Variants in MED12L observed in about 807,000 individuals in gnomAD.
MED12L encodes the protein mediator of RNA polymerase II transcription subunit 12-like protein.
In MED12L, 60 loss-of-function variants were observed where a neutral mutation model predicts 281.3. The observed-to-expected ratio is 0.21, with a 90% confidence interval of 0.17 to 0.26. The LOEUF is 0.26. Ranked by LOEUF, MED12L falls within the 10% of genes least tolerant of loss-of-function variation. MED12L has a pLI of 1.00. For missense variants in MED12L, 2,146 were observed against 2,680.9 expected (o/e 0.80, Z 4.41); for synonymous variants, 974 against 987.2 (o/e 0.99, Z 0.25).
intron 16 of MED12L, among the ~76,000 whole-genome samples, chr3:151,349,839 A>G (rs1752998245): frequency 6.7e-6 from 1 of 149,728 alleles, no homozygotes; most frequent in Non-Finnish European, 1.5e-5. Flanking sequence ...TTAAGACTTC[A>G]GGTCAGTTGA....
intron 16 of MED12L, among the ~76,000 whole-genome samples, chr3:151,297,462 G>A (rs1288901061): frequency 6.6e-5 from 10 of 152,148 alleles, no homozygotes; most frequent in Admixed American, 3.9e-4. Context: ...CGGAATAAAG[G>A]GTCCAGCTGA....
chr3:151,412,350 T>G (rs960743502), intron 41 of MED12L, among the ~76,000 whole-genome samples: 1 of 152,240 alleles, frequency 6.6e-6, no homozygotes, highest in Non-Finnish European at 1.5e-5. Flanking sequence ...CCCAAAATTA[T>G]GCAGTTCGTT....
intron 27 of MED12L, 92 bp downstream of exon 27, chr3:151,372,858 G>T (rs552631293): frequency 2.2e-6 from 2 of 906,446 alleles, no homozygotes; most frequent in South Asian, 3.8e-5. Context: ...TGCATAGGTG[G>T]GCCTTTTTTT....
chr3:151,213,490 A>G lies in MED12L; in HGVS notation c.2250+19824A>G, dbSNP rs1333774857. On this transcript the variant is annotated intron_variant, in intron 16 of 44. Transcript: ENST00000687756. ...AGATAGTAGCAGAGTGAATTCTTTC[A>G]TATACCGCAAGATTTCTTTTGACTG... 2.5e-6 allele frequency: 4 copies of G among 1,614,070 alleles called. No homozygotes were observed. The South Asian group carries it at 3.3e-5, about 13-fold the overall frequency.
At chr3:151,344,078 A>G (rs542955712) in intron 16 of MED12L, among the ~76,000 whole-genome samples, 4 of 152,254 alleles carry the variant, frequency 2.6e-5, no homozygotes, top group South Asian at 4.1e-4. Context: ...AGTCTTGGGC[A>G]TTGAAATATT....
intron 16 of MED12L, among the ~76,000 whole-genome samples, chr3:151,256,061 A>G (rs1375382393): frequency 6.6e-6 from 1 of 152,250 alleles, no homozygotes; most frequent in Non-Finnish European, 1.5e-5. Flanking sequence ...ATGGTTCAAC[A>G]TATGCTAGAT....
At chr3:151,298,873 G>A (rs191664668) in intron 16 of MED12L, among the ~76,000 whole-genome samples, 14 of 152,022 alleles carry the variant, frequency 9.2e-5, no homozygotes, top group East Asian at 3.8e-4. Context: ...CAAGTTTCCC[G>A]GTAACCACAT....
At chr3:151,129,210 G>T (rs560946805) in intron 5 of MED12L, among the ~76,000 whole-genome samples, 2 of 152,260 alleles carry the variant, frequency 1.3e-5, no homozygotes, top group East Asian at 3.9e-4. Flanking sequence ...ATGAGTTGGG[G>T]TATAAAGTGG....
intron 5 of MED12L, among the ~76,000 whole-genome samples, chr3:151,151,737 A>ATT (rs1206062404): frequency 6.6e-6 from 1 of 152,198 alleles, no homozygotes; most frequent in African/African-American, 2.4e-5. Flanking sequence ...AAGATGACTG[A>ATT]TTACAGATCA....
At chr3:151,228,728 T>G (rs1276878286) in intron 16 of MED12L, among the ~76,000 whole-genome samples, 1 of 152,224 alleles carries the variant, frequency 6.6e-6, no homozygotes, top group Non-Finnish European at 1.5e-5. Flanking sequence ...TAATCTTTCA[T>G]GAGAGTGGCA....
intron 16 of MED12L, among the ~76,000 whole-genome samples, chr3:151,302,875 T>A (rs563123514): frequency 6.6e-6 from 1 of 152,274 alleles, no homozygotes; most frequent in South Asian, 2.1e-4. Context: ...AGAGTCTAGT[T>A]GAGAATCCAG....
chr3:151,299,236 C>T (rs1745525491), intron 16 of MED12L, among the ~76,000 whole-genome samples: 1 of 152,164 alleles, frequency 6.6e-6, no homozygotes, highest in South Asian at 2.1e-4. Flanking sequence ...TATGTCACTG[C>T]TCTACCTGCC....
chr3:151,199,403 GA>G (rs765214098), intron 16 of MED12L: 1 of 1,574,524 alleles, frequency 6.4e-7, no homozygotes, highest in Admixed American at 2.0e-5. Context: ...GGAAAGTAAG[GA>G]TGACTGCTTA....
At chr3:151,185,291 C>A in intron 11 of MED12L, 39 bp from the exon 12 acceptor site, 1 of 1,592,530 alleles carries the variant, frequency 6.3e-7, no homozygotes, top group Non-Finnish European at 8.6e-7. Flanking sequence ...GTGAATGTTT[C>A]ATTTGATGTG....
At chr3:151,268,392 G>A (rs555857545) in intron 16 of MED12L, among the ~76,000 whole-genome samples, 1 of 152,262 alleles carries the variant, frequency 6.6e-6, no homozygotes, top group South Asian at 2.1e-4. Context: ...AAAATATGGT[G>A]AGCATACTGC....
At chr3:151,328,769 A>G in intron 16 of MED12L, 3 of 1,614,026 alleles carry the variant, frequency 1.9e-6, no homozygotes, top group Non-Finnish European at 2.5e-6. Flanking sequence ...TTTGAAAGGA[A>G]GCATGAGTGT....
At chr3:151,283,484 C>T (rs1743082864) in intron 16 of MED12L, among the ~76,000 whole-genome samples, 1 of 152,262 alleles carries the variant, frequency 6.6e-6, no homozygotes, top group African/African-American at 2.4e-5. Context: ...TGAGGTCTCA[C>T]AAATGTGTCA....
intron 16 of MED12L, among the ~76,000 whole-genome samples, chr3:151,342,280 C>A (rs16863323): frequency 1.3e-5 from 2 of 152,066 alleles, no homozygotes; most frequent in Non-Finnish European, 2.9e-5. Context: ...TGCAGAAACA[C>A]ACCTCCCTGG....
At chr3:151,198,339 T>TTTG (rs879086449) in intron 16 of MED12L, 224 of 1,021,910 alleles carry the variant, frequency 2.2e-4, no homozygotes, top group South Asian at 6.6e-4. Context: ...TGAGTTTTTT[T>TTTG]TTGTTTTTTT....
Sources: gnomAD v4.1 joint callset for allele counts (sites outside exome capture counted in the v4.1 genomes callset) on GRCh38, gnomAD v4.1.1 for gene constraint, MANE v1.5 for transcripts, NCBI Gene and HGNC (gene_info 2026-07-23, HGNC 2026-07-21) for gene names.